DOCK3: variants seen among roughly 807,000 people sequenced by gnomAD.
The protein encoded by DOCK3 is dedicator of cytokinesis protein 3.
DOCK3 carries 60 observed loss-of-function variants against 265.6 expected under a neutral mutation model. That is an observed-to-expected ratio of 0.23 (90% confidence interval 0.18 to 0.28). The LOEUF (loss-of-function observed/expected upper bound fraction) is 0.28. DOCK3 is among the 10% of genes least tolerant of loss of function. The pLI is 1.00. For missense variants in DOCK3, 1,981 were observed against 2,594.3 expected, an observed-to-expected ratio of 0.76 and a Z score of 5.14; for synonymous variants, 881 against 938.0, an observed-to-expected ratio of 0.94 and a Z score of 1.11.
Position 50,782,160 on chromosome 3 carries a change from C to T in DOCK3, c.121+3402C>T, listed in dbSNP as rs2041947579. On this transcript the variant is annotated intron_variant, in intron 2 of 52. Coordinates refer to ENST00000266037, the MANE Select transcript of DOCK3 (RefSeq NM_004947.5). ...ATATGCAATATTGGGATTGATGGGTCGAATGGCAGTTCTGTTTTTAGGTCT... is the reference window on the plus strand; with the variant it reads ...ATATGCAATATTGGGATTGATGGGTTGAATGGCAGTTCTGTTTTTAGGTCT... Among the ~76,000 whole-genome samples, 3 of 151,998 alleles carry T rather than the reference C, an allele frequency of 2.0e-5. 1 individual carries two copies. The highest frequency in any genetic ancestry group is 4.1e-4 in the South Asian group (2 of 4,826).
intron 5 of DOCK3, among the ~76,000 whole-genome samples, chr3:50,978,538 C>G (rs1217761195): frequency 6.6e-6 from 1 of 152,176 alleles, no homozygotes; most frequent in Non-Finnish European, 1.5e-5. Flanking sequence ...AGAACCACTG[C>G]TCTCTTCAAA....
rs2086008301 is a variant in DOCK3 at position 51,159,154 on chromosome 3, A to G, written c.829-90A>G. 17 of 1,267,980 alleles carry G rather than the reference A, an allele frequency of 1.3e-5. No homozygotes were observed. In the East Asian group the frequency reaches 4.0e-4, roughly 30 times the overall value. 78.5% of individuals were successfully genotyped at this position (1,267,980 alleles called of 1,614,324 possible). On this transcript the variant is annotated intron_variant, in intron 10 of 52. Coordinates refer to ENST00000266037, the MANE Select transcript of DOCK3 (RefSeq NM_004947.5). ...ATCTCCCTTCCCCTGCCTATAACAT[A>G]CAGTAAAAGCAAATGACTAGAGATT... is the stretch of plus-strand genomic sequence containing the variant.
chr3:51,074,780 C>A (rs1038065409), intron 6 of DOCK3, among the ~76,000 whole-genome samples: 1 of 152,046 alleles, frequency 6.6e-6, no homozygotes, highest in Non-Finnish European at 1.5e-5. Flanking sequence ...CCATGGCACA[C>A]GTTCACCTGT....
chr3:51,191,220 C>T (rs746712141), intron 12 of DOCK3, among the ~76,000 whole-genome samples: 16 of 152,162 alleles, frequency 1.1e-4, no homozygotes, highest in Non-Finnish European at 2.4e-4. Context: ...GGCTCCTGCA[C>T]TCCTAGCTAC....
Position 51,228,704 on chromosome 3 carries a change from G to C in DOCK3, c.1691G>C (p.Gly564Ala). 6.2e-7 allele frequency: 1 copy of C among 1,613,900 alleles called. No individual in the cohort carries two copies. The highest frequency in any genetic ancestry group is 8.5e-7 in the Non-Finnish European group (1 of 1,179,862). The change falls in exon 18 of 53, where the codon GGC becomes GCC. Residue 564 changes from glycine (G) to alanine (A), a missense_variant. Physicochemically the swap from Gly to Ala is moderately conservative, Grantham distance 60. Transcript: ENST00000266037. The stretch of plus-strand genomic sequence containing the variant: ...TTTAATAACCATGCTCTGTACCTGG[G>C]CCTGCCCTGCTGCAAAGAGGACTAC... ...STFNNHALYLGLPCCKEDYNG... is the reference protein window; with the variant it reads ...STFNNHALYLALPCCKEDYNG...
intron 4 of DOCK3, among the ~76,000 whole-genome samples, chr3:50,933,740 A>G (rs1163406125): frequency 6.6e-6 from 1 of 152,216 alleles, no homozygotes; most frequent in Non-Finnish European, 1.5e-5. Context: ...TGTTTTAAGG[A>G]TAGCATTTAT....
rs9844147 is a variant in DOCK3, at chr3:51,042,567, G to A, written c.316-21881G>A. ...ATGCCCTCTCTCACCACTCCTGTTC[G>A]ACATAATATTGGAAGTTCTGGCCAG... On this transcript the variant is annotated intron_variant, in intron 5 of 52. Transcript: ENST00000266037. Among the ~76,000 whole-genome samples the A allele has an allele frequency of 3.1e-3, 466 of 152,188 alleles. 1 individual carries two copies. Among genetic ancestry groups the A allele is most frequent in the African/African-American group, 0.01 (431 of 41,536 alleles).
chr3:50,971,341 A>G (rs1322002437), intron 5 of DOCK3, among the ~76,000 whole-genome samples: 1 of 152,000 alleles, frequency 6.6e-6, no homozygotes, highest in African/African-American at 2.4e-5. Context: ...GTTGGATGGT[A>G]TTAGTTTTTC....
At chr3:50,926,605 G>A (rs1466638218) in intron 4 of DOCK3, among the ~76,000 whole-genome samples, 1 of 152,184 alleles carries the variant, frequency 6.6e-6, no homozygotes, top group African/African-American at 2.4e-5. Context: ...TTAGATGAAA[G>A]TGGGACTTGA....
intron 22 of DOCK3, among the ~76,000 whole-genome samples, chr3:51,248,457 G>A (rs542403636): frequency 6.6e-6 from 1 of 152,356 alleles, no homozygotes; most frequent in South Asian, 2.1e-4. Context: ...GGCCTCCTGA[G>A]GTGCTGGGAT....
At chr3:51,366,870 C>A (rs1026559079) in intron 49 of DOCK3, among the ~76,000 whole-genome samples, 1 of 152,192 alleles carries the variant, frequency 6.6e-6, no homozygotes, top group Non-Finnish European at 1.5e-5. Flanking sequence ...GTTATAATTT[C>A]TTTTCTTTTA....
chr3:50,826,598 T>C (rs914317826), intron 2 of DOCK3, among the ~76,000 whole-genome samples: 5 of 152,128 alleles, frequency 3.3e-5, no homozygotes, highest in African/African-American at 1.2e-4. Flanking sequence ...CTCCCCAAAA[T>C]GAAAAATCAC....
intron 20 of DOCK3, among the ~76,000 whole-genome samples, chr3:51,236,732 A>C (rs2078365304): frequency 6.6e-6 from 1 of 152,208 alleles, no homozygotes; most frequent in Non-Finnish European, 1.5e-5. Context: ...CCCAGAGAGT[A>C]ATACAAGAAA....
At chr3:50,861,854 G>GTT (rs61401631) in intron 3 of DOCK3, among the ~76,000 whole-genome samples, 12,594 of 114,308 alleles carry the variant, frequency 0.11, 735 homozygotes, top group Non-Finnish European at 0.14. Context: ...AGGTTGGGTC[G>GTT]TTTTTTTTTT....
intron 5 of DOCK3, among the ~76,000 whole-genome samples, chr3:51,046,175 G>A (rs954182667): frequency 2.6e-5 from 4 of 151,774 alleles, no homozygotes; most frequent in Non-Finnish European, 5.9e-5. Flanking sequence ...GAGGAGGAGG[G>A]GAACAACATA....
At chr3:51,034,787 T>C (rs2080193023) in intron 5 of DOCK3, among the ~76,000 whole-genome samples, 2 of 152,202 alleles carry the variant, frequency 1.3e-5, no homozygotes, top group East Asian at 3.9e-4. Flanking sequence ...TGGTGATGTC[T>C]CTCAGTTTTC....
At chr3:51,323,342 G>A (rs368880279) in intron 32 of DOCK3, among the ~76,000 whole-genome samples, 241 of 152,142 alleles carry the variant, frequency 1.6e-3, no homozygotes, top group East Asian at 4.1e-3. Flanking sequence ...AACTCAGCTC[G>A]GAACCAAGTG....
chr3:50,983,425 ACATTTCCT>A (rs2077775133), intron 5 of DOCK3, among the ~76,000 whole-genome samples: 1 of 152,056 alleles, frequency 6.6e-6, no homozygotes, highest in Non-Finnish European at 1.5e-5. Context: ...CCAGTCATAC[ACATTTCCT>A]CCCCTCTGTG....
intron 1 of DOCK3, among the ~76,000 whole-genome samples, chr3:50,765,022 A>G (rs1266746541): frequency 6.7e-6 from 1 of 150,164 alleles, no homozygotes; most frequent in East Asian, 2.0e-4. Flanking sequence ...TTGGCCTCCC[A>G]AAGTGCTGGG....
Sources: gnomAD v4.1 joint callset for allele counts (sites outside exome capture counted in the v4.1 genomes callset) on GRCh38, gnomAD v4.1.1 for gene constraint, MANE v1.5 for transcripts, NCBI Gene and HGNC (gene_info 2026-07-23, HGNC 2026-07-21) for gene names.